The following PTPRD variants were observed in gnomAD, a reference collection of about 807,000 sequenced individuals.
The protein encoded by PTPRD is protein tyrosine phosphatase receptor type D.
In PTPRD, 34 loss-of-function variants were observed where a neutral mutation model predicts 214.5. The ratio of observed to expected loss-of-function variants is 0.16; its 90% CI spans 0.12 to 0.21. The LOEUF is 0.21. Ranked by LOEUF, PTPRD falls within the 10% of genes least tolerant of loss-of-function variation. The pLI is 1.00. For missense variants in PTPRD, 2,545 were observed against 2,398.7 expected (o/e 1.06, Z -1.27); for synonymous variants, 1,128 against 845.7 (o/e 1.33, Z -5.79).
chr9:9,900,566 G>A (rs1180539117), intron 5 of PTPRD, among the ~76,000 whole-genome samples: 1 of 151,496 alleles, frequency 6.6e-6, no homozygotes, highest in Non-Finnish European at 1.5e-5. Context: ...TCGTCATCCT[G>A]TCTTCTTGAG....
chr9:9,797,020 C>G (rs2099006779), intron 5 of PTPRD, among the ~76,000 whole-genome samples: 1 of 152,040 alleles, frequency 6.6e-6, no homozygotes, highest in South Asian at 2.1e-4. Flanking sequence ...GAAGATTGAA[C>G]ATAGTTTTCT....
intron 3 of PTPRD, among the ~76,000 whole-genome samples, chr9:10,132,737 G>A (rs2098905812): frequency 6.6e-6 from 1 of 152,134 alleles, no homozygotes; most frequent in African/African-American, 2.4e-5. Flanking sequence ...ATTTTAGTAG[G>A]TCATGCTTCT....
At chr9:8,365,853 G>A (rs2079720458) in intron 39 of PTPRD, among the ~76,000 whole-genome samples, 1 of 152,134 alleles carries the variant, frequency 6.6e-6, no homozygotes, top group African/African-American at 2.4e-5. Context: ...GGCTTTCCCA[G>A]CCCTTCAAGC....
intron 8 of PTPRD, among the ~76,000 whole-genome samples, chr9:9,419,439 T>TGTAA (rs1401248329): frequency 6.6e-6 from 1 of 151,830 alleles, no homozygotes; most frequent in African/African-American, 2.4e-5. Flanking sequence ...TTTAGTTACT[T>TGTAA]GATAAGTGAA....
At chr9:10,362,932 A>G (rs949964612) in intron 2 of PTPRD, among the ~76,000 whole-genome samples, 1 of 152,110 alleles carries the variant, frequency 6.6e-6, no homozygotes, top group Non-Finnish European at 1.5e-5. Flanking sequence ...TCACCACTGT[A>G]TCTTTAGAAC....
intron 10 of PTPRD, among the ~76,000 whole-genome samples, chr9:9,171,012 G>C (rs1592849433): frequency 6.6e-6 from 1 of 152,128 alleles, no homozygotes; most frequent in East Asian, 1.9e-4. Context: ...AGCTGTCCAG[G>C]AAAGCTTAAG....
intron 12 of PTPRD, among the ~76,000 whole-genome samples, chr9:8,645,502 T>C (rs72698299): frequency 0.045 from 6,853 of 152,300 alleles, 481 homozygotes; most frequent in African/African-American, 0.15. Flanking sequence ...ATTAATTTTA[T>C]TTAGGCCTCA....
chr9:10,413,312 A>C (rs1411688154), intron 2 of PTPRD, among the ~76,000 whole-genome samples: 1 of 151,948 alleles, frequency 6.6e-6, no homozygotes, highest in African/African-American at 2.4e-5. Context: ...CTGTACACCA[A>C]CAACGACCAA....
chr9:8,568,381 C>T (rs912081141), intron 14 of PTPRD, among the ~76,000 whole-genome samples: 1 of 152,096 alleles, frequency 6.6e-6, no homozygotes, highest in South Asian at 2.1e-4. Context: ...TTACACATTA[C>T]CTGTCAATAG....
rs1592529544 is a variant in PTPRD at position 9,595,547 on chromosome 9, TGTTTG to T, written c.-286-20771_-286-20767del. ...ATACACACGTATGCATATGTATGTG[TGTTTG>T]TGTGTGTGTGTGTGTGTGTGTGTGT... On this transcript the variant is annotated intron_variant, in intron 7 of 45. Transcript: ENST00000381196. Among the ~76,000 whole-genome samples the T allele has an allele frequency of 7.8e-5, 3 of 38,586 alleles. No homozygotes were observed. In the South Asian group the frequency reaches 3.9e-3, roughly 51 times the overall value. The allele number at this position is 38,586 out of a possible 152,430, so 25.3% of individuals were successfully genotyped here.
chr9:9,239,570 G>A (rs891883394), intron 9 of PTPRD, among the ~76,000 whole-genome samples: 8 of 152,172 alleles, frequency 5.3e-5, no homozygotes, highest in Non-Finnish European at 8.8e-5. Flanking sequence ...GTGGACTGAA[G>A]CTATGGGAGT....
intron 3 of PTPRD, among the ~76,000 whole-genome samples, chr9:10,306,707 CTA>C (rs1193191787): frequency 6.6e-6 from 1 of 152,072 alleles, no homozygotes; most frequent in Non-Finnish European, 1.5e-5. Context: ...TCTCAAAATT[CTA>C]TGTTGTCTTG....
At chr9:8,346,366 C>T (rs1564140154) in intron 39 of PTPRD, among the ~76,000 whole-genome samples, 1 of 152,056 alleles carries the variant, frequency 6.6e-6, no homozygotes, top group Non-Finnish European at 1.5e-5. Flanking sequence ...ATTTTATGCT[C>T]TTGAGGTGAA....
intron 3 of PTPRD, among the ~76,000 whole-genome samples, chr9:10,130,166 C>G (rs2098848853): frequency 8.1e-6 from 1 of 123,472 alleles, no homozygotes; most frequent in African/African-American, 2.8e-5. Flanking sequence ...TAATCTGACT[C>G]AAATCTATTT....
chr9:9,816,357 T>C (rs771166330), intron 5 of PTPRD, among the ~76,000 whole-genome samples: 8 of 152,200 alleles, frequency 5.3e-5, no homozygotes, highest in South Asian at 4.1e-4. Flanking sequence ...AATCATCTTT[T>C]ATTGGAAAGA....
intron 5 of PTPRD, among the ~76,000 whole-genome samples, chr9:9,833,690 C>T (rs10978019): frequency 5.3e-5 from 7 of 132,764 alleles, no homozygotes; most frequent in Admixed American, 1.7e-4. Context: ...GAGAGGGGGG[C>T]AGTTCAGAGA....
chr9:8,506,574 T>G (rs529931001), intron 22 of PTPRD, among the ~76,000 whole-genome samples: 1 of 152,288 alleles, frequency 6.6e-6, no homozygotes, highest in South Asian at 2.1e-4. Context: ...ATTATTTAAC[T>G]TTTTTTCCAT....
chr9:8,720,397 G>A (rs1448475340), intron 12 of PTPRD, among the ~76,000 whole-genome samples: 1 of 152,186 alleles, frequency 6.6e-6, no homozygotes, highest in Non-Finnish European at 1.5e-5. Context: ...TCCTATTACT[G>A]ATCAAAGCCA....
chr9:10,042,858 A>T (rs755053228), intron 3 of PTPRD, among the ~76,000 whole-genome samples: 4 of 151,966 alleles, frequency 2.6e-5, no homozygotes, highest in Non-Finnish European at 5.9e-5. Context: ...TGGAAAGAAA[A>T]TTTCCAGGAA....
Sources: allele counts gnomAD v4.1 joint callset (sites outside exome capture counted in the v4.1 genomes callset), GRCh38; gene constraint gnomAD v4.1.1; transcripts MANE v1.5; gene names NCBI Gene and HGNC (gene_info 2026-07-23, HGNC 2026-07-21).